The following DCT variants were observed in gnomAD, a reference collection of about 807,000 sequenced individuals.
DCT encodes the protein dopachrome tautomerase.
A neutral mutation model predicts 53.0 loss-of-function variants in DCT; 47 were observed. The ratio of observed to expected loss-of-function variants is 0.89; its 90% CI spans 0.70 to 1.13. DCT has a LOEUF of 1.13. Among genes scored for constraint, DCT ranks in the 50% most tolerant of loss-of-function variants. The pLI, the probability that DCT is intolerant of heterozygous loss-of-function variation, is 0.00. For missense variants in DCT, 669 were observed against 637.4 expected, an observed-to-expected ratio of 1.05 and a Z score of -0.53; for synonymous variants, 244 against 237.0, an observed-to-expected ratio of 1.03 and a Z score of -0.27.
intron 4 of DCT, among the ~76,000 whole-genome samples, chr13:94,463,877 A>G (rs1413033910): frequency 6.6e-6 from 1 of 152,198 alleles, no homozygotes; most frequent in African/African-American, 2.4e-5. Flanking sequence ...AGCGTTTCCC[A>G]AAGTGGATTC....
chr13:94,506,125 A>G, the DCT span, among the ~76,000 whole-genome samples: 57,683 of 152,036 alleles, frequency 0.38, 11,418 homozygotes, highest in East Asian at 0.61. Context: ...CTTGATATTC[A>G]GAAATCACGT....
At position 94,450,037 on chromosome 13, in the gene DCT, G is replaced by A. The variant is rs547146913; in HGVS notation, c.1180-6400C>T. 7.2e-5 allele frequency among the ~76,000 whole-genome samples: 11 copies of A among 152,254 alleles called. No homozygotes were observed. The East Asian group carries it at 1.7e-3, about 24-fold the overall frequency. On this transcript the variant is annotated intron_variant, in intron 6 of 7. Transcript: ENST00000377028. ...TGGTAATAGGAAATGGGGCCTTTGGGAAATAATTAAGCCATAAGGATGGGG... is the reference window on the plus strand; with the variant it reads ...TGGTAATAGGAAATGGGGCCTTTGGAAAATAATTAAGCCATAAGGATGGGG...
At chr13:94,502,596 A>AGTC in the DCT span, among the ~76,000 whole-genome samples, 74 of 152,288 alleles carry the variant, frequency 4.9e-4, no homozygotes, top group Admixed American at 9.2e-4. Flanking sequence ...GCATCTGGCC[A>AGTC]GTCCTTCGCT....
chr13:94,537,630 T>C, the DCT span, among the ~76,000 whole-genome samples: 35 of 150,210 alleles, frequency 2.3e-4, no homozygotes, highest in Non-Finnish European at 2.1e-4. Flanking sequence ...ATTATGCAAG[T>C]GAGAAAAAAA....
the DCT span, among the ~76,000 whole-genome samples, chr13:94,495,166 G>A: frequency 1.3e-3 from 190 of 151,940 alleles, no homozygotes; most frequent in African/African-American, 4.4e-3. Context: ...GTGCAATCTT[G>A]GCTCACTACA....
chr13:94,468,689 C>A (rs1428244098), intron 2 of DCT, 57 bp downstream of exon 2: 1 of 1,486,208 alleles, frequency 6.7e-7, no homozygotes, highest in African/African-American at 1.4e-5. Context: ...CACTGCCATA[C>A]CCTCAACCCA....
chr13:94,505,376 G>A, the DCT span, among the ~76,000 whole-genome samples: 2 of 152,074 alleles, frequency 1.3e-5, no homozygotes, highest in Non-Finnish European at 2.9e-5. Context: ...AGACACCATA[G>A]TCCTACTGCC....
chr13:94,464,084 G>A lies in DCT; in HGVS notation c.863+1549C>T, dbSNP rs113508895. ...ACTATTCCAAGGTATGGTGGGAAAT[G>A]GCGCTTGATGGAATTAAGCTCAGTC... On this transcript the variant is annotated intron_variant, in intron 4 of 7. Coordinates refer to ENST00000377028, the MANE Select transcript of DCT (RefSeq NM_001922.5). 1.4e-3 allele frequency among the ~76,000 whole-genome samples: 213 copies of A among 152,348 alleles called. 1 individual carries two copies. In the Middle Eastern group the frequency reaches 0.017, roughly 12 times the overall value.
chr13:94,470,024 G>A (rs191915535), intron 1 of DCT, among the ~76,000 whole-genome samples: 85 of 152,100 alleles, frequency 5.6e-4, no homozygotes, highest in Non-Finnish European at 1.1e-3. Context: ...GCAATGAGCC[G>A]AGATCATGCC....
At chr13:94,518,108 GGGAA>G in the DCT span, among the ~76,000 whole-genome samples, 21,496 of 124,626 alleles carry the variant, frequency 0.17, 2,048 homozygotes, top group Non-Finnish European at 0.23. Flanking sequence ...GGGAAACGAA[GGGAA>G]GGAAGGAAGG....
At chr13:94,517,006 G>A in the DCT span, among the ~76,000 whole-genome samples, 1 of 152,262 alleles carries the variant, frequency 6.6e-6, no homozygotes, top group African/African-American at 2.4e-5. Flanking sequence ...AAACAAGTTT[G>A]TACAAAGATA....
chr13:94,522,752 C>T, the DCT span, among the ~76,000 whole-genome samples: 1 of 152,128 alleles, frequency 6.6e-6, no homozygotes, highest in Non-Finnish European at 1.5e-5. Flanking sequence ...TCCTGGGTGA[C>T]AGATGTCATT....
intron 4 of DCT, among the ~76,000 whole-genome samples, chr13:94,464,097 A>G (rs766304277): frequency 2.6e-5 from 4 of 152,246 alleles, no homozygotes; most frequent in Non-Finnish European, 5.9e-5. Context: ...GCTTGATGGA[A>G]TTAAGCTCAG....
At position 94,466,677 on chromosome 13, in the gene DCT, A is replaced by C. The variant is rs1369717630; in HGVS notation, c.596-19T>G. ...CCTGGTCCTGAAACAATTGGGAAAC[A>C]TATTAGAGATGACAGAATAGAATTT... On this transcript the variant is annotated intron_variant, in intron 2 of 7. Coordinates refer to ENST00000377028, the MANE Select transcript of DCT (RefSeq NM_001922.5). 5 of 1,504,610 alleles carry C rather than the reference A, an allele frequency of 3.3e-6. No homozygotes were observed. The African/African-American group carries it at 7.0e-5, about 21-fold the overall frequency. The allele number at this position is 1,504,610 out of a possible 1,614,324, so 93.2% of individuals were successfully genotyped here.
At chr13:94,466,727 G>T (rs942098813) in intron 2 of DCT, 69 bp from the exon 3 acceptor site, 10 of 1,048,792 alleles carry the variant, frequency 9.5e-6, no homozygotes, top group Admixed American at 2.5e-5. Flanking sequence ...TCTTACCTGG[G>T]CTGTATCTAT....
At chr13:94,532,725 T>C in the DCT span, among the ~76,000 whole-genome samples, 2 of 152,150 alleles carry the variant, frequency 1.3e-5, no homozygotes, top group African/African-American at 2.4e-5. Flanking sequence ...ACATGGCACA[T>C]GTGTACCTAT....
chr13:94,456,798 A>T (rs1212023761), intron 6 of DCT, among the ~76,000 whole-genome samples: 1 of 152,208 alleles, frequency 6.6e-6, no homozygotes, highest in Non-Finnish European at 1.5e-5. Flanking sequence ...AAACTGATTG[A>T]CTTGTAATCA....
At chr13:94,485,886 A>G in the DCT span, among the ~76,000 whole-genome samples, 4 of 152,182 alleles carry the variant, frequency 2.6e-5, no homozygotes, top group African/African-American at 9.7e-5. Flanking sequence ...TGAAGTGCTC[A>G]ATGTCATTGG....
the DCT span, among the ~76,000 whole-genome samples, chr13:94,509,459 C>A: frequency 6.6e-6 from 1 of 151,698 alleles, no homozygotes. Context: ...GACCATGTGA[C>A]ACATTCTGGC....
Sources: allele counts gnomAD v4.1 joint callset (sites outside exome capture counted in the v4.1 genomes callset), GRCh38; gene constraint gnomAD v4.1.1; transcripts MANE v1.5; gene names NCBI Gene and HGNC (gene_info 2026-07-23, HGNC 2026-07-21).